The following ANKFN1 variants were observed in gnomAD, a reference collection of about 807,000 sequenced individuals.
ANKFN1 encodes ankyrin repeat and fibronectin type-III domain-containing protein 1.
ANKFN1 carries 74 observed loss-of-function variants against 108.7 expected under a neutral mutation model. The ratio of observed to expected loss-of-function variants is 0.68; its 90% confidence interval spans 0.56 to 0.83. The LOEUF (loss-of-function observed/expected upper bound fraction) is 0.83. Among genes scored for constraint, ANKFN1 ranks in the 40% least tolerant of loss-of-function variants. The probability of loss-of-function intolerance (pLI) is 0.00; values close to 1 mark genes in which losing one functional copy is unlikely to be tolerated. For synonymous variants in ANKFN1, 547 were observed against 516.2 expected (o/e 1.06, Z -0.81); for missense variants, 1,505 against 1,382.3 (o/e 1.09, Z -1.41).
chr17:56,437,973 G>GGTGTAGGT (rs2048979314), intron 8 of ANKFN1, among the ~76,000 whole-genome samples: 1 of 142,176 alleles, frequency 7.0e-6, no homozygotes, highest in East Asian at 2.1e-4. Flanking sequence ...ATCTACTGTA[G>GGTGTAGGT]GTGTGTGTGT....
intron 2 of ANKFN1, among the ~76,000 whole-genome samples, chr17:56,226,430 CA>C (rs1488066419): frequency 6.6e-6 from 1 of 152,088 alleles, no homozygotes; most frequent in East Asian, 1.9e-4. Flanking sequence ...ACCACCTTCA[CA>C]GATAGTAAAT....
intron 4 of ANKFN1, among the ~76,000 whole-genome samples, chr17:56,100,515 A>C (rs777430040): frequency 2.6e-5 from 4 of 152,226 alleles, no homozygotes; most frequent in Non-Finnish European, 5.9e-5. Flanking sequence ...CATCTAGTGA[A>C]CCACATGATG....
intron 6 of ANKFN1, among the ~76,000 whole-genome samples, chr17:56,362,841 C>A (rs979711067): frequency 6.6e-6 from 1 of 152,076 alleles, no homozygotes; most frequent in Non-Finnish European, 1.5e-5. Context: ...ATTTGCAACC[C>A]GTACATCCAA....
intron 2 of ANKFN1, among the ~76,000 whole-genome samples, chr17:56,227,493 A>G (rs1180061147): frequency 6.6e-6 from 1 of 152,200 alleles, no homozygotes; most frequent in Non-Finnish European, 1.5e-5. Context: ...AGTTTCATTT[A>G]AAGGAACAAT....
intron 2 of ANKFN1, among the ~76,000 whole-genome samples, chr17:56,222,514 T>A (rs1046285673): frequency 3.9e-5 from 6 of 152,110 alleles, no homozygotes; most frequent in Non-Finnish European, 7.4e-5. Context: ...TGTGAGATAG[T>A]CTTAAAGAAA....
At chr17:56,381,741 G>T (rs1316489010) in intron 8 of ANKFN1, among the ~76,000 whole-genome samples, 5 of 151,716 alleles carry the variant, frequency 3.3e-5, no homozygotes, top group African/African-American at 9.7e-5. Context: ...AGAGAAAAAA[G>T]AATAAAAAGA....
chr17:56,422,239 C>T (rs2048428038), intron 8 of ANKFN1, among the ~76,000 whole-genome samples: 1 of 152,190 alleles, frequency 6.6e-6, no homozygotes, highest in Non-Finnish European at 1.5e-5. Flanking sequence ...ATATCTGTCA[C>T]AAAATGTTTT....
At chr17:56,395,392 C>G (rs959301281) in intron 8 of ANKFN1, among the ~76,000 whole-genome samples, 1 of 152,194 alleles carries the variant, frequency 6.6e-6, no homozygotes, top group Non-Finnish European at 1.5e-5. Context: ...CTGTACCCAA[C>G]TAGCAGCCCA....
intron 3 of ANKFN1, among the ~76,000 whole-genome samples, chr17:56,321,749 A>G (rs1176591826): frequency 6.6e-6 from 1 of 152,214 alleles, no homozygotes. Flanking sequence ...GTATACTAAA[A>G]GAGACCTTTG....
chr17:56,472,815 A>G (rs1291430568), intron 15 of ANKFN1: 1 of 152,206 alleles, frequency 6.6e-6, no homozygotes, highest in Non-Finnish European at 1.5e-5. Context: ...TGCAGAAGAG[A>G]TGGCATTTGG....
intron 4 of ANKFN1, among the ~76,000 whole-genome samples, chr17:56,334,570 A>G (rs548784579): frequency 2.6e-5 from 4 of 152,252 alleles, no homozygotes; most frequent in African/African-American, 9.6e-5. Flanking sequence ...TAAACAATGT[A>G]TACGTATTTG....
chr17:56,471,737 A>G (rs2050324680), intron 15 of ANKFN1: 1 of 152,246 alleles, frequency 6.6e-6, no homozygotes, highest in African/African-American at 2.4e-5. Context: ...GATCCATGCT[A>G]CGACTTGGAT....
chr17:56,430,579 C>G (rs1411386105), intron 8 of ANKFN1, among the ~76,000 whole-genome samples: 1 of 151,560 alleles, frequency 6.6e-6, no homozygotes, highest in Non-Finnish European at 1.5e-5. Flanking sequence ...ATTGGCTTGA[C>G]TGTGTAATCA....
chr17:56,149,456 TA>T (rs199988549), upstream of ANKFN1, among the ~76,000 whole-genome samples: 3,710 of 152,028 alleles, frequency 0.024, 136 homozygotes, highest in African/African-American at 0.084. Flanking sequence ...TCTCAGGAGG[TA>T]CAGTCACAGT....
intron 3 of ANKFN1, among the ~76,000 whole-genome samples, chr17:56,257,369 A>G (rs1286707307): frequency 6.6e-6 from 1 of 152,240 alleles, no homozygotes; most frequent in Non-Finnish European, 1.5e-5. Flanking sequence ...TGCAAACAAT[A>G]GAGCCACATT....
chr17:56,156,333 C>A (rs770736983), intron 1 of ANKFN1, among the ~76,000 whole-genome samples: 3 of 152,128 alleles, frequency 2.0e-5, no homozygotes, highest in South Asian at 2.1e-4. Context: ...AGTGGTCCAC[C>A]CACCTTGGCC....
chr17:56,405,848 G>T (rs890486481), intron 8 of ANKFN1, among the ~76,000 whole-genome samples: 1 of 152,072 alleles, frequency 6.6e-6, no homozygotes, highest in African/African-American at 2.4e-5. Flanking sequence ...ATTCACATTT[G>T]CTTGAATATA....
intron 7 of ANKFN1, among the ~76,000 whole-genome samples, chr17:56,373,088 C>T (rs2046854429): frequency 6.6e-6 from 1 of 152,182 alleles, no homozygotes; most frequent in African/African-American, 2.4e-5. Context: ...CACCATGTCA[C>T]ACTCATCTAG....
At chr17:56,078,665 T>A (rs919869946) in intron 4 of ANKFN1, among the ~76,000 whole-genome samples, 3 of 152,184 alleles carry the variant, frequency 2.0e-5, no homozygotes, top group African/African-American at 7.2e-5. Context: ...ATAAGTCCTC[T>A]CTTTCTGAAA....
Sources: gnomAD v4.1 joint callset for allele counts (sites outside exome capture counted in the v4.1 genomes callset) on GRCh38, gnomAD v4.1.1 for gene constraint, MANE v1.5 for transcripts, NCBI Gene and HGNC (gene_info 2026-07-23, HGNC 2026-07-21) for gene names.